Variants in XAB2 observed in about 807,000 individuals in gnomAD.
XAB2 encodes pre-mRNA-splicing factor SYF1.
XAB2 carries 57 observed loss-of-function variants against 113.4 expected under a neutral mutation model. The observed-to-expected ratio is 0.50, with a 90% CI of 0.41 to 0.63. The LOEUF (loss-of-function observed/expected upper bound fraction) is 0.63, where lower values mean the gene tolerates loss of function less well. XAB2 is among the 20% of genes least tolerant of loss of function. The pLI, the probability that XAB2 is intolerant of heterozygous loss-of-function variation, is 0.00. For synonymous variants in XAB2, 497 were observed against 498.8 expected (o/e 1.00, Z 0.05); for missense variants, 1,037 against 1,233.3 (o/e 0.84, Z 2.38).
Position 7,627,982 on chromosome 19 carries a change from G to T in XAB2, c.201-131C>A. The T allele has an allele frequency of 6.8e-7, 1 of 1,478,882 alleles. No individual in the cohort carries two copies. Among genetic ancestry groups the T allele is most frequent in the Non-Finnish European group, 9.1e-7 (1 of 1,094,530 alleles). The allele number at this position is 1,478,882 out of a possible 1,614,324, so 91.6% of individuals were successfully genotyped here. ...GGGTGACATGTCTCAGCAATGACAG[G>T]GACAGACTGGGACATCAGAGAAGGT... On this transcript the variant is annotated intron_variant, in intron 2 of 18. Transcript: ENST00000358368. The surrounding 1 kb of genome is among the most constrained non-coding windows in gnomAD (Gnocchi z 4.5).
rs925205479 is a variant in XAB2, at chr19:7,628,297, T to TC, written c.52dup (p.Glu18GlyfsTer8). ...CTCCTCATAGGGGAGGTCCTCTTCCTCCTGCCAGGGCCAGGGAATGGGAAG... is the reference window on the plus strand; with the variant it reads ...CTCCTCATAGGGGAGGTCCTCTTCCTCCCTGCCAGGGCCAGGGAATGGGAAG... On this transcript the variant is annotated frameshift_variant and splice_region_variant, in exon 2 of 19. Transcript: ENST00000358368. LOFTEE classifies it high-confidence loss of function. This position sits in a 1 kb window ranked among gnomAD's most constrained non-coding sequence, Gnocchi z 4.6. The TC allele has an allele frequency of 1.2e-6, 2 of 1,613,862 alleles. No homozygotes were observed. The highest frequency in any genetic ancestry group is 1.7e-6 in the Non-Finnish European group (2 of 1,180,000).
rs765235420 is a variant in XAB2 at position 7,623,341 on chromosome 19, G to A, written c.1120-52C>T. Reference sequence around the variant, plus strand: ...TAGGACTCAGGACCCTGCAGATGACGGTCGGGGCAGAGCTGTGGCTCTGAG... The same window carrying A: ...TAGGACTCAGGACCCTGCAGATGACAGTCGGGGCAGAGCTGTGGCTCTGAG... On this transcript the variant is annotated intron_variant, in intron 8 of 18. Transcript: ENST00000358368. This position sits in a 1 kb window ranked among gnomAD's most constrained non-coding sequence, Gnocchi z 4.6. The A allele has an allele frequency of 1.1e-5, 17 of 1,599,628 alleles. No homozygotes were observed. The highest frequency in any genetic ancestry group is 1.3e-5 in the African/African-American group (1 of 74,746).
Position 7,619,552 on chromosome 19 carries a change from A to C in XAB2, c.*34T>G. On this transcript the variant is annotated 3_prime_UTR_variant, in exon 19 of 19. Transcript: ENST00000358368. ...ATGTACAAACGTAGCTGTATTGGGG[A>C]GGGGGTGGGGAGGGGGGATGGGGGA... is the stretch of plus-strand genomic sequence containing the variant. 1 of 918,098 alleles carries C rather than the reference A, an allele frequency of 1.1e-6. No individual in the cohort carries two copies. The highest frequency in any genetic ancestry group is 1.4e-6 in the Non-Finnish European group (1 of 727,696). The allele number at this position is 918,098 out of a possible 1,614,324, so 56.9% of individuals were successfully genotyped here.
At position 7,624,510 on chromosome 19, in the gene XAB2, T is replaced by C; in HGVS notation, c.823-65A>G. 6.2e-7 allele frequency: 1 copy of C among 1,607,110 alleles called. No homozygotes were observed. Among genetic ancestry groups the C allele is most frequent in the African/African-American group, 1.3e-5 (1 of 74,998 alleles). On this transcript the variant is annotated intron_variant, in intron 6 of 18. Coordinates refer to ENST00000358368, the MANE Select transcript of XAB2 (RefSeq NM_020196.3). The surrounding 1 kb of genome is among the most constrained non-coding windows in gnomAD (Gnocchi z 4.2). ...CGCAGGGGACAGGCAGCAGCACTCT[T>C]AGCACCAGCCTCAATGTGGAACCCC...
Position 7,628,100 on chromosome 19 carries a change from GAC to G in XAB2, c.200+48_200+49del, listed in dbSNP as rs1276349266. The G allele has an allele frequency of 1.3e-6, 2 of 1,582,618 alleles. No homozygotes were observed. The highest frequency in any genetic ancestry group is 2.7e-5 in the African/African-American group (2 of 74,470). ...CCACTTGGCAGTTTTGTTATAACTG[GAC>G]CAGGTGGGGTGGGGGCTGGTGGGCA... On this transcript the variant is annotated intron_variant, in intron 2 of 18. Transcript: ENST00000358368. This position sits in a 1 kb window ranked among gnomAD's most constrained non-coding sequence, Gnocchi z 4.6.
In XAB2 at chr19:7,620,411, A is replaced by T; in HGVS notation, c.2130T>A (p.Phe710Leu). 6.2e-7 allele frequency: 1 copy of T among 1,611,160 alleles called. No homozygotes were observed. ...TGTCCTCATTGCCATGCCGGACCTC[A>T]AAGTCCTTCCACGTCTGCCAGAACG... ...TGAFWQTWKDFEVRHGNEDTI... is the reference protein window; with the variant it reads ...TGAFWQTWKDLEVRHGNEDTI... The change falls in exon 16 of 19, where the codon TTT becomes TTA. Residue 710 changes from phenylalanine (F) to leucine (L), a missense_variant. Coordinates refer to ENST00000358368, the MANE Select transcript of XAB2 (RefSeq NM_020196.3).
chr19:7,623,084 A>G lies in XAB2; in HGVS notation c.1239+86T>C. On this transcript the variant is annotated intron_variant, in intron 9 of 18. Transcript: ENST00000358368. This position sits in a 1 kb window ranked among gnomAD's most constrained non-coding sequence, Gnocchi z 4.6. ...CACACACACGTGCACACATCCATGC[A>G]CAAATATGTACACACACATACATGC... 1 of 1,582,212 alleles carries G rather than the reference A, an allele frequency of 6.3e-7. No homozygotes were observed. The highest frequency in any genetic ancestry group is 8.6e-7 in the Non-Finnish European group (1 of 1,163,872).
rs994199794 is a variant in XAB2, at chr19:7,620,588, G to A, written c.2053C>T (p.Arg685Trp). The A allele has an allele frequency of 9.9e-6, 16 of 1,613,250 alleles. No individual in the cohort carries two copies. The highest frequency in any genetic ancestry group is 2.7e-5 in the African/African-American group (2 of 74,916). ...ECKLGEIDRA[R>W]AIYSFCSQIC... Reference sequence around the variant, plus strand: ...TGGGAGCAGAAGCTGTAGATGGCCCGGGCGCGGTCAATCTCCCCGAGCTTG... The same window carrying A: ...TGGGAGCAGAAGCTGTAGATGGCCCAGGCGCGGTCAATCTCCCCGAGCTTG... Residue 685 changes from arginine (R) to tryptophan (W), a missense_variant, in exon 15 of 19, where the codon CGG (arginine) becomes TGG (tryptophan). Arg to Trp is a moderately radical substitution (Grantham distance 101). Coordinates refer to ENST00000358368, the MANE Select transcript of XAB2 (RefSeq NM_020196.3).
Position 7,620,944 on chromosome 19 carries a change from G to A in XAB2, c.1873C>T (p.Pro625Ser), listed in dbSNP as rs2031018440. 1.9e-6 allele frequency: 3 copies of A among 1,589,602 alleles called. No individual in the cohort carries two copies. The highest frequency in any genetic ancestry group is 1.1e-5 in the South Asian group (1 of 87,300). Residue 625 changes from proline to serine, a missense_variant, in exon 14 of 19, where the codon CCC (proline) becomes TCC (serine). Physicochemically the swap from Pro to Ser is moderately conservative, Grantham distance 74. Coordinates refer to ENST00000358368, the MANE Select transcript of XAB2 (RefSeq NM_020196.3). ...VYERATRAVE[P>S]AQQYDMFNIY... is the part of the protein sequence containing the mutation. ...TTGAACATGTCATACTGCTGGGCGG[G>A]CTCCACGGCCCTGGTGGCACGCTCG...
chr19:7,627,187 C>T lies in XAB2; in HGVS notation c.522+56G>A. On this transcript the variant is annotated intron_variant, in intron 4 of 18. Transcript: ENST00000358368. This position sits in a 1 kb window ranked among gnomAD's most constrained non-coding sequence, Gnocchi z 4.5. ...GACATCCTACGCGGAGCTAGTGTCA[C>T]AGTGAGGCCGTTTCTGGAAACTAAC... is the stretch of plus-strand genomic sequence containing the variant. 6.3e-7 allele frequency: 1 copy of T among 1,591,286 alleles called. No individual in the cohort carries two copies.
chr19:7,624,487 C>G lies in XAB2; in HGVS notation c.823-42G>C. On this transcript the variant is annotated intron_variant, in intron 6 of 18. Coordinates refer to ENST00000358368, the MANE Select transcript of XAB2 (RefSeq NM_020196.3). The surrounding 1 kb of genome is among the most constrained non-coding windows in gnomAD (Gnocchi z 4.2). ...AAGGGGAGGTGAGAGGAAAGTGGCG[C>G]AGGGGACAGGCAGCAGCACTCTTAG... 1 of 1,612,450 alleles carries G rather than the reference C, an allele frequency of 6.2e-7. No individual in the cohort carries two copies. Among genetic ancestry groups the G allele is most frequent in the African/African-American group, 1.3e-5 (1 of 75,034 alleles).
In XAB2 at chr19:7,627,156, C is replaced by T; in HGVS notation, c.522+87G>A. Reference sequence around the variant, plus strand: ...GGAGCCTCTTCCCACATCCCGTCTGCTGGGTGACATCCTACGCGGAGCTAG... The same window carrying T: ...GGAGCCTCTTCCCACATCCCGTCTGTTGGGTGACATCCTACGCGGAGCTAG... On this transcript the variant is annotated intron_variant, in intron 4 of 18. Coordinates refer to ENST00000358368, the MANE Select transcript of XAB2 (RefSeq NM_020196.3). This position sits in a 1 kb window ranked among gnomAD's most constrained non-coding sequence, Gnocchi z 4.5. 1 of 1,468,028 alleles carries T rather than the reference C, an allele frequency of 6.8e-7. No homozygotes were observed. The highest frequency in any genetic ancestry group is 1.4e-5 in the African/African-American group (1 of 71,936). 90.9% of individuals were successfully genotyped at this position (1,468,028 alleles called of 1,614,324 possible).
rs763248298 is a variant in XAB2, at chr19:7,624,324, G to C, written c.944C>G (p.Ser315Trp). The C allele has an allele frequency of 6.2e-7, 1 of 1,613,948 alleles. No individual in the cohort carries two copies. The highest frequency in any genetic ancestry group is 8.5e-7 in the Non-Finnish European group (1 of 1,180,012). ...SMIAAKMETA[S>W]ELGREEEDDV... ...ACCCTCCTCCTCGCGCCCCAGCTCC[G>C]AGGCGGTCTCCATCTTTGCAGCGAT... The change falls in exon 7 of 19, where the codon TCG becomes TGG. Residue 315 changes from serine to tryptophan, a missense_variant. Ser to Trp is a radical substitution (Grantham distance 177). Coordinates refer to ENST00000358368, the MANE Select transcript of XAB2 (RefSeq NM_020196.3). The surrounding 1 kb of genome is among the most constrained non-coding windows in gnomAD (Gnocchi z 4.2).
rs1237510543 is a variant in XAB2 at position 7,628,033 on chromosome 19, G to A, written c.200+117C>T. The A allele has an allele frequency of 6.8e-7, 1 of 1,472,620 alleles. No individual in the cohort carries two copies. 91.2% of individuals were successfully genotyped at this position (1,472,620 alleles called of 1,614,324 possible). On this transcript the variant is annotated intron_variant, in intron 2 of 18. Coordinates refer to ENST00000358368, the MANE Select transcript of XAB2 (RefSeq NM_020196.3). The surrounding 1 kb of genome is among the most constrained non-coding windows in gnomAD (Gnocchi z 4.6). ...GTGCTGACCCATCAAGGGATGTACAGGTCAGTGATGAAACACGAAGCAATC... is the reference window on the plus strand; with the variant it reads ...GTGCTGACCCATCAAGGGATGTACAAGTCAGTGATGAAACACGAAGCAATC...
chr19:7,623,355 T>G lies in XAB2; in HGVS notation c.1120-66A>C. ...CTGCAGATGACGGTCGGGGCAGAGC[T>G]GTGGCTCTGAGGGGTGGGGCCTGGA... On this transcript the variant is annotated intron_variant, in intron 8 of 18. Coordinates refer to ENST00000358368, the MANE Select transcript of XAB2 (RefSeq NM_020196.3). This position sits in a 1 kb window ranked among gnomAD's most constrained non-coding sequence, Gnocchi z 4.6. 1.9e-6 allele frequency: 3 copies of G among 1,588,506 alleles called. No homozygotes were observed. The highest frequency in any genetic ancestry group is 2.6e-6 in the Non-Finnish European group (3 of 1,166,208).
Position 7,620,068 on chromosome 19 carries a change from G to A in XAB2, c.2274C>T (p.Asp758=). Residue 758 remains aspartate, a synonymous_variant, in exon 17 of 19, where the codon GAC becomes GAT. Coordinates refer to ENST00000358368, the MANE Select transcript of XAB2 (RefSeq NM_020196.3). ...VSGSATGTVS[D]LAPGQSGMDD... ...CCATGCCACTCTGCCCAGGGGCCAG[G>A]TCAGACACTAGGGGGTGGGAGCAGG... The A allele has an allele frequency of 3.7e-6, 6 of 1,611,676 alleles. No homozygotes were observed. The highest frequency in any genetic ancestry group is 5.1e-6 in the Non-Finnish European group (6 of 1,179,958).
At chr19:7,621,613 C>T (rs1266379584) in intron 12 of XAB2, 4 of 404,710 alleles carry the variant, frequency 9.9e-6, no homozygotes, top group South Asian at 4.1e-5. Context: ...GGGAGAAGGC[C>T]GCACCCCCTG....
chr19:7,627,189 G>A lies in XAB2; in HGVS notation c.522+54C>T, dbSNP rs1157060669. On this transcript the variant is annotated intron_variant, in intron 4 of 18. Coordinates refer to ENST00000358368, the MANE Select transcript of XAB2 (RefSeq NM_020196.3). The surrounding 1 kb of genome is among the most constrained non-coding windows in gnomAD (Gnocchi z 4.5). ...CATCCTACGCGGAGCTAGTGTCACA[G>A]TGAGGCCGTTTCTGGAAACTAACCT... The A allele has an allele frequency of 5.0e-6, 8 of 1,593,262 alleles. No homozygotes were observed. Among genetic ancestry groups the A allele is most frequent in the South Asian group, 2.2e-5 (2 of 90,624 alleles).
Position 7,625,619 on chromosome 19 carries a change from C to T in XAB2, c.822+261G>A, listed in dbSNP as rs755544088. ...TCAGCCTCCCGAGTAGCTGGGATTA[C>T]AGGCGCGCACCACCATGTCTGACTA... On this transcript the variant is annotated intron_variant, in intron 6 of 18. Coordinates refer to ENST00000358368, the MANE Select transcript of XAB2 (RefSeq NM_020196.3). The surrounding 1 kb of genome is among the most constrained non-coding windows in gnomAD (Gnocchi z 5.2). 2.0e-5 allele frequency among the ~76,000 whole-genome samples: 3 copies of T among 151,958 alleles called. No homozygotes were observed. The highest frequency in any genetic ancestry group is 4.4e-5 in the Non-Finnish European group (3 of 68,008).
Sources: allele counts gnomAD v4.1 joint callset (sites outside exome capture counted in the v4.1 genomes callset), GRCh38; gene constraint gnomAD v4.1.1; non-coding constraint Gnocchi (gnomAD v3.1); transcripts MANE v1.5; gene names NCBI Gene and HGNC (gene_info 2026-07-23, HGNC 2026-07-21).